ZBBX: variants seen among roughly 807,000 people sequenced by gnomAD.
ZBBX encodes the protein zinc finger B-box domain-containing protein 1.
ZBBX carries 101 observed loss-of-function variants against 108.5 expected under a neutral mutation model. The ratio of observed to expected loss-of-function variants is 0.93; its 90% confidence interval spans 0.79 to 1.10. The LOEUF is 1.10. ZBBX is among the 50% of genes least tolerant of loss of function. The pLI is 0.00. For synonymous variants in ZBBX, 356 were observed against 323.4 expected, an observed-to-expected ratio of 1.10 and a Z score of -1.08; for missense variants, 1,009 against 941.4, an observed-to-expected ratio of 1.07 and a Z score of -0.94.
intron 9 of ZBBX, among the ~76,000 whole-genome samples, chr3:167,347,719 T>G (rs1741723652): frequency 6.6e-6 from 1 of 152,012 alleles, no homozygotes; most frequent in African/African-American, 2.4e-5. Flanking sequence ...AGGAAGTCTG[T>G]GTATGCTCTT....
intron 1 of ZBBX, among the ~76,000 whole-genome samples, chr3:167,404,861 C>A (rs556593685): frequency 6.6e-6 from 1 of 152,168 alleles, no homozygotes; most frequent in African/African-American, 2.4e-5. Context: ...AAATTAGCAG[C>A]CATAACAATA....
chr3:167,307,653 T>G (rs7641870), intron 16 of ZBBX, among the ~76,000 whole-genome samples: 2 of 151,630 alleles, frequency 1.3e-5, no homozygotes, highest in African/African-American at 2.4e-5. Context: ...ACCCAGAAAA[T>G]AGACCACACA....
intron 20 of ZBBX, among the ~76,000 whole-genome samples, chr3:167,245,059 G>GAAC (rs747301668): frequency 6.6e-6 from 1 of 152,048 alleles, no homozygotes; most frequent in African/African-American, 2.4e-5. Context: ...TCCCAATAAG[G>GAAC]AACAACAACA....
intron 16 of ZBBX, among the ~76,000 whole-genome samples, chr3:167,307,920 A>C (rs1276730273): frequency 6.6e-6 from 1 of 152,162 alleles, no homozygotes; most frequent in Non-Finnish European, 1.5e-5. Context: ...ATTTCATGAC[A>C]AAGATGCCAA....
intron 8 of ZBBX, among the ~76,000 whole-genome samples, chr3:167,354,076 T>G (rs1227635235): frequency 6.6e-6 from 1 of 152,032 alleles, no homozygotes; most frequent in Non-Finnish European, 1.5e-5. Context: ...ACCTTAAATG[T>G]GCTCAAAACA....
At chr3:167,351,426 A>G (rs891411542) in intron 8 of ZBBX, among the ~76,000 whole-genome samples, 2 of 152,122 alleles carry the variant, frequency 1.3e-5, no homozygotes, top group African/African-American at 2.4e-5. Context: ...GAGAGAGAAC[A>G]CTGGAATTCA....
intron 20 of ZBBX, among the ~76,000 whole-genome samples, chr3:167,249,284 T>C (rs1252259735): frequency 6.6e-6 from 1 of 152,216 alleles, no homozygotes; most frequent in African/African-American, 2.4e-5. Flanking sequence ...AAGTGTAGGC[T>C]TTCTATAGCT....
intron 1 of ZBBX, among the ~76,000 whole-genome samples, chr3:167,391,199 T>C (rs1177049267): frequency 6.6e-6 from 1 of 152,150 alleles, no homozygotes; most frequent in Non-Finnish European, 1.5e-5. Context: ...CATGAAAGGA[T>C]GTTGAATTTT....
the ZBBX span, among the ~76,000 whole-genome samples, chr3:167,232,002 T>C: frequency 5.9e-5 from 9 of 151,712 alleles, no homozygotes; most frequent in East Asian, 3.9e-4. Context: ...CAATGAAAAA[T>C]TGGCCATTTG....
At chr3:167,207,318 C>T in the ZBBX span, among the ~76,000 whole-genome samples, 2 of 152,118 alleles carry the variant, frequency 1.3e-5, no homozygotes, top group Admixed American at 6.5e-5. Flanking sequence ...CCTGAACAGA[C>T]ATTTTTCTAC....
chr3:167,403,939 A>G (rs1314186744), intron 1 of ZBBX, among the ~76,000 whole-genome samples: 1 of 152,162 alleles, frequency 6.6e-6, no homozygotes, highest in Non-Finnish European at 1.5e-5. Flanking sequence ...ATAAGATGTT[A>G]AACTTCAAGT....
chr3:167,372,833 C>G lies in ZBBX; in HGVS notation c.68+1G>C. On this transcript the variant is annotated splice_donor_variant, in intron 4 of 21. Transcript: ENST00000675490. LOFTEE classifies it high-confidence loss of function. ...TAAGAAATAAATATATATGAACTCACCTATATTTTAGCTTTACAGAATTTC... is the reference window on the plus strand; with the variant it reads ...TAAGAAATAAATATATATGAACTCAGCTATATTTTAGCTTTACAGAATTTC... 2 of 1,451,398 alleles carry G rather than the reference C, an allele frequency of 1.4e-6. No individual in the cohort carries two copies. Among genetic ancestry groups the G allele is most frequent in the African/African-American group, 2.8e-5 (2 of 70,974 alleles). The allele number at this position is 1,451,398 out of a possible 1,614,324, so 89.9% of individuals were successfully genotyped here. A position where few individuals can be genotyped will look rare whatever the true frequency, so the allele number is the denominator to read the frequency against.
At chr3:167,181,514 C>T in the ZBBX span, among the ~76,000 whole-genome samples, 1 of 152,208 alleles carries the variant, frequency 6.6e-6, no homozygotes, top group Non-Finnish European at 1.5e-5. Flanking sequence ...ATGTTCACTC[C>T]TGTATCTAAC....
intron 6 of ZBBX, among the ~76,000 whole-genome samples, chr3:167,362,396 A>G (rs1196687787): frequency 6.6e-6 from 1 of 152,048 alleles, no homozygotes; most frequent in Non-Finnish European, 1.5e-5. Flanking sequence ...TGCTGTCATC[A>G]TCAGCCTCCC....
At chr3:167,368,733 T>G in intron 4 of ZBBX, 159 bp from the exon 5 acceptor site, 1 of 1,278,334 alleles carries the variant, frequency 7.8e-7, no homozygotes, top group Non-Finnish European at 9.8e-7. Context: ...AAAGTTAGCA[T>G]TTGCCTTCCA....
chr3:167,340,142 TA>T (rs775047489), intron 9 of ZBBX, among the ~76,000 whole-genome samples: 8 of 152,128 alleles, frequency 5.3e-5, no homozygotes, highest in Non-Finnish European at 1.2e-4. Context: ...ATTTACACAT[TA>T]CATGGAATAC....
chr3:167,205,970 T>C, the ZBBX span, among the ~76,000 whole-genome samples: 1 of 152,138 alleles, frequency 6.6e-6, no homozygotes, highest in Non-Finnish European at 1.5e-5. Flanking sequence ...CGATCAATCA[T>C]CTATATCTTT....
intron 6 of ZBBX, among the ~76,000 whole-genome samples, chr3:167,364,206 AAAC>A (rs778688766): frequency 5.3e-5 from 8 of 151,790 alleles, no homozygotes; most frequent in South Asian, 2.1e-4. Flanking sequence ...AAATACGCAA[AAAC>A]AACAACAACA....
At chr3:167,376,999 A>G (rs1398456389) in intron 2 of ZBBX, among the ~76,000 whole-genome samples, 2 of 152,194 alleles carry the variant, frequency 1.3e-5, no homozygotes, top group African/African-American at 2.4e-5. Context: ...TGCAAAACTT[A>G]TACTTCCTTG....
Sources: allele counts gnomAD v4.1 joint callset (sites outside exome capture counted in the v4.1 genomes callset), GRCh38; gene constraint gnomAD v4.1.1; transcripts MANE v1.5; gene names NCBI Gene and HGNC (gene_info 2026-07-23, HGNC 2026-07-21).